The following PTGER3 variants were observed in gnomAD, a reference collection of about 807,000 sequenced individuals.
PTGER3 encodes the protein prostaglandin E receptor 3.
A neutral mutation model predicts 34.7 loss-of-function variants in PTGER3; 22 were observed. The observed-to-expected ratio is 0.63, with a 90% CI of 0.45 to 0.91. The LOEUF is 0.91. Among genes scored for constraint, PTGER3 ranks in the 40% least tolerant of loss-of-function variants. The pLI, the probability that PTGER3 is intolerant of heterozygous loss-of-function variation, is 0.00. For synonymous variants in PTGER3, 241 were observed against 230.1 expected, an observed-to-expected ratio of 1.05 and a Z score of -0.43; for missense variants, 468 against 519.4, an observed-to-expected ratio of 0.90 and a Z score of 0.96.
intron 2 of PTGER3, among the ~76,000 whole-genome samples, chr1:70,965,548 T>A (rs1222013813): frequency 6.6e-6 from 1 of 152,182 alleles, no homozygotes; most frequent in African/African-American, 2.4e-5. Flanking sequence ...AAAGTTTTTT[T>A]AAGACTATAT....
chr1:70,909,024 G>T (rs911677242), intron 4 of PTGER3, among the ~76,000 whole-genome samples: 2 of 152,110 alleles, frequency 1.3e-5, no homozygotes, highest in African/African-American at 4.8e-5. Flanking sequence ...CTCACTCTCT[G>T]TATAAGCATG....
chr1:70,888,989 C>A (rs1002111649), intron 4 of PTGER3, among the ~76,000 whole-genome samples: 1 of 152,084 alleles, frequency 6.6e-6, no homozygotes, highest in African/African-American at 2.4e-5. Context: ...AAAGAAAGCA[C>A]GTAAGAACAG....
chr1:70,955,323 A>T (rs1257404090), intron 2 of PTGER3, among the ~76,000 whole-genome samples: 1 of 152,198 alleles, frequency 6.6e-6, no homozygotes, highest in Non-Finnish European at 1.5e-5. Context: ...TAAAGCACTT[A>T]TAGATTATAA....
At chr1:70,914,584 G>A (rs1647133252) in intron 4 of PTGER3, among the ~76,000 whole-genome samples, 1 of 151,806 alleles carries the variant, frequency 6.6e-6, no homozygotes, top group Non-Finnish European at 1.5e-5. Flanking sequence ...CCCAAGGCTG[G>A]GATTCTACAA....
chr1:71,047,335 C>T lies in PTGER3; in HGVS notation c.243G>A (p.Glu81=). The T allele has an allele frequency of 6.2e-7, 1 of 1,607,420 alleles. No individual in the cohort carries two copies. Among genetic ancestry groups the T allele is most frequent in the Non-Finnish European group, 8.5e-7 (1 of 1,177,676 alleles). Residue 81 remains glutamate, a synonymous_variant, in exon 1 of 4, where the codon GAG becomes GAA. Transcript: ENST00000306666. Reference sequence around the variant, plus strand: ...GCAGGAAGGACTTCTTGCGCTTGCTCTCCCGGCGCCGGTAGCTGCGCGACA... The same window carrying T: ...GCAGGAAGGACTTCTTGCGCTTGCTTTCCCGGCGCCGGTAGCTGCGCGACA... The part of the protein sequence containing the change: ...LLVSRSYRRR[E]SKRKKSFLLC...
chr1:70,917,123 A>T (rs923168358), intron 4 of PTGER3, among the ~76,000 whole-genome samples: 1 of 151,842 alleles, frequency 6.6e-6, no homozygotes, highest in Non-Finnish European at 1.5e-5. Flanking sequence ...GAACACCAAA[A>T]CTTATTCTTC....
Position 70,860,233 on chromosome 1 carries a change from G to C in PTGER3, c.*24-7374C>G, listed in dbSNP as rs1211718112. Among the ~76,000 whole-genome samples the C allele has an allele frequency of 3.3e-5, 5 of 152,138 alleles. No homozygotes were observed. In the South Asian group the frequency reaches 6.2e-4, roughly 19 times the overall value. On this transcript the variant is annotated intron_variant, in intron 4 of 4. Coordinates refer to the PTGER3 transcript ENST00000370931. Reference sequence around the variant, plus strand: ...AATTAAAAATAATATATATTCTAATGGTCAAATTAGAACTTTTTAGTAATG... The same window carrying C: ...AATTAAAAATAATATATATTCTAATCGTCAAATTAGAACTTTTTAGTAATG...
At chr1:71,030,209 G>A (rs1239822255) in intron 1 of PTGER3, among the ~76,000 whole-genome samples, 1 of 152,104 alleles carries the variant, frequency 6.6e-6, no homozygotes, top group Non-Finnish European at 1.5e-5. Flanking sequence ...TAAGGAATCT[G>A]AAGCCTTTTA....
intron 4 of PTGER3, among the ~76,000 whole-genome samples, chr1:70,945,353 T>C (rs547976865): frequency 5.4e-4 from 82 of 152,104 alleles, no homozygotes; most frequent in Non-Finnish European, 1.0e-3. Flanking sequence ...TTTAGAACTG[T>C]CATTCATGGC....
rs532401465 is a variant in PTGER3, at chr1:70,984,727, T to C, written c.1078-10339A>G. 3.3e-5 allele frequency among the ~76,000 whole-genome samples: 5 copies of C among 152,004 alleles called. No homozygotes were observed. In the South Asian group the frequency reaches 8.3e-4, roughly 25 times the overall value. ...GAACAACACAGTGAGACCCTGTCTC[T>C]AGAAATAAAATTAAAAAAAAATTTT... On this transcript the variant is annotated intron_variant, in intron 2 of 3. Transcript: ENST00000306666.
chr1:71,023,934 G>C lies in PTGER3; in HGVS notation c.898-11450C>G, dbSNP rs1370297472. ...ATCACAATCATCAATGACATGATTT[G>C]TTGGCCTCCATCTGGCCTGGCCCAT... On this transcript the variant is annotated intron_variant, in intron 1 of 3. Coordinates refer to ENST00000306666, the MANE Select transcript of PTGER3 (RefSeq NM_198719.2). Among the ~76,000 whole-genome samples, 2 of 151,726 alleles carry C rather than the reference G, an allele frequency of 1.3e-5. 1 individual carries two copies. Among genetic ancestry groups the C allele is most frequent in the African/African-American group, 4.9e-5 (2 of 41,098 alleles).
downstream of PTGER3, among the ~76,000 whole-genome samples, chr1:70,968,978 G>A (rs1389623012): frequency 2.0e-5 from 3 of 152,018 alleles, no homozygotes; most frequent in African/African-American, 4.8e-5. Context: ...GGGTTGAGGC[G>A]AGTGGATCAC....
At chr1:71,012,091 G>C in intron 2 of PTGER3, 1 of 1,497,080 alleles carries the variant, frequency 6.7e-7, no homozygotes, top group Non-Finnish European at 8.8e-7. Context: ...AGACCATTTA[G>C]CTTTATACCA....
chr1:70,986,656 A>G (rs1386921478), intron 2 of PTGER3, among the ~76,000 whole-genome samples: 1 of 152,190 alleles, frequency 6.6e-6, no homozygotes, highest in Non-Finnish European at 1.5e-5. Flanking sequence ...GATTTCAGGG[A>G]GGACCCAAAG....
downstream of PTGER3, among the ~76,000 whole-genome samples, chr1:70,968,009 C>G (rs1652702957): frequency 6.6e-6 from 1 of 152,186 alleles, no homozygotes; most frequent in Admixed American, 6.5e-5. Context: ...TTACGTATCC[C>G]TGGCTAACAG....
rs1181152115 is a variant in PTGER3 at position 70,917,402 on chromosome 1, T to TG, written c.*23+36360_*23+36361insC. Among the ~76,000 whole-genome samples the TG allele has an allele frequency of 3.4e-4, 45 of 132,176 alleles. No homozygotes were observed. The South Asian group carries it at 4.3e-3, about 13-fold the overall frequency. 86.7% of individuals were successfully genotyped at this position (132,176 alleles called of 152,430 possible). ...GTTTTATGGCTAAATAGTATTTTAT[T>TG]TTGTGTGTGTGTGTGTGTGTGTGTG... is the stretch of plus-strand genomic sequence containing the variant. On this transcript the variant is annotated intron_variant, in intron 4 of 4. Transcript: ENST00000370931.
chr1:70,864,751 A>G (rs1405947234), intron 4 of PTGER3, among the ~76,000 whole-genome samples: 1 of 152,192 alleles, frequency 6.6e-6, no homozygotes, highest in Non-Finnish European at 1.5e-5. Context: ...ACTGGACAAC[A>G]ATTTTATGAG....
chr1:71,024,645 C>CTTTTTTTTTTTTTTTTTTTTTT, intron 1 of PTGER3, among the ~76,000 whole-genome samples: 1 of 117,160 alleles, frequency 8.5e-6, no homozygotes, highest in Non-Finnish European at 1.7e-5. Context: ...CCTTTTCTTT[C>CTTTTTTTTTTTTTTTTTTTTTT]TTTTTTTTTT....
intron 4 of PTGER3, among the ~76,000 whole-genome samples, chr1:70,945,217 T>A (rs1325410094): frequency 6.6e-6 from 1 of 152,122 alleles, no homozygotes; most frequent in East Asian, 1.9e-4. Context: ...ACATGGCCTC[T>A]TCAAACTTGG....
Sources: allele counts gnomAD v4.1 joint callset (sites outside exome capture counted in the v4.1 genomes callset), GRCh38; gene constraint gnomAD v4.1.1; transcripts MANE v1.5; gene names NCBI Gene and HGNC (gene_info 2026-07-23, HGNC 2026-07-21).